NTM: variants seen among roughly 807,000 people sequenced by gnomAD.
NTM encodes the protein neurotrimin.
NTM carries 13 observed loss-of-function variants against 42.1 expected under a neutral mutation model. The observed-to-expected ratio is 0.31, with a 90% CI of 0.20 to 0.49. NTM has a LOEUF of 0.49. Ranked by LOEUF, NTM falls within the 20% of genes least tolerant of loss-of-function variation. NTM has a pLI of 0.99. For synonymous variants in NTM, 187 were observed against 179.2 expected (o/e 1.04, Z -0.35); for missense variants, 373 against 452.8 (o/e 0.82, Z 1.60).
intron 1 of NTM, among the ~76,000 whole-genome samples, chr11:131,873,666 CATAT>C (rs200923876): frequency 8.9e-6 from 1 of 112,850 alleles, no homozygotes; most frequent in Non-Finnish European, 1.8e-5. Context: ...TATATATACA[CATAT>C]ATATATACAC....
intron 1 of NTM, among the ~76,000 whole-genome samples, chr11:131,675,205 C>T (rs993438679): frequency 6.6e-6 from 1 of 152,122 alleles, no homozygotes; most frequent in Non-Finnish European, 1.5e-5. Flanking sequence ...ACAGCAATTT[C>T]GGGCAGCTAC....
intron 1 of NTM, among the ~76,000 whole-genome samples, chr11:131,598,684 T>TTTCC (rs2060034705): frequency 5.6e-5 from 1 of 17,988 alleles, no homozygotes. Flanking sequence ...TCTCATTTGT[T>TTTCC]TTCTTTCTTT....
chr11:131,509,717 C>G (rs927758439), intron 1 of NTM, among the ~76,000 whole-genome samples: 1 of 152,164 alleles, frequency 6.6e-6, no homozygotes, highest in Non-Finnish European at 1.5e-5. Flanking sequence ...GTGTCTTAGT[C>G]CATCCTTCCA....
chr11:131,907,147 C>T (rs1006095603), intron 1 of NTM, among the ~76,000 whole-genome samples: 19 of 152,304 alleles, frequency 1.2e-4, no homozygotes, highest in Non-Finnish European at 1.6e-4. Context: ...TAGCCTTTTT[C>T]GACGAGGAGA....
At chr11:132,134,559 G>A (rs143582598) in intron 2 of NTM, among the ~76,000 whole-genome samples, 87 of 150,418 alleles carry the variant, frequency 5.8e-4, no homozygotes, top group African/African-American at 1.9e-3. Context: ...TCCTATATAT[G>A]AGTCATATAG....
At chr11:131,572,065 G>A (rs1403731100) in intron 1 of NTM, among the ~76,000 whole-genome samples, 1 of 152,190 alleles carries the variant, frequency 6.6e-6, no homozygotes, top group Non-Finnish European at 1.5e-5. Context: ...CCATTGAAAT[G>A]CACAAAAACA....
At chr11:132,042,328 A>G (rs2077314276) in intron 2 of NTM, among the ~76,000 whole-genome samples, 1 of 152,190 alleles carries the variant, frequency 6.6e-6, no homozygotes, top group Non-Finnish European at 1.5e-5. Flanking sequence ...GGCTACTGGG[A>G]CTGGAAATGC....
intron 2 of NTM, among the ~76,000 whole-genome samples, chr11:132,010,044 C>G (rs1399619608): frequency 6.6e-6 from 1 of 152,164 alleles, no homozygotes; most frequent in East Asian, 1.9e-4. Flanking sequence ...CAGACAATTT[C>G]TTAAGTCACT....
chr11:131,915,492 C>T (rs1289566248), intron 2 of NTM, among the ~76,000 whole-genome samples: 1 of 152,138 alleles, frequency 6.6e-6, no homozygotes, highest in African/African-American at 2.4e-5. Flanking sequence ...AACGATATCC[C>T]CCAGCTATAT....
intron 1 of NTM, among the ~76,000 whole-genome samples, chr11:131,499,229 T>C (rs1266869895): frequency 6.6e-6 from 1 of 152,178 alleles, no homozygotes; most frequent in Non-Finnish European, 1.5e-5. Flanking sequence ...GAAAGCATTC[T>C]TGAGATCCAT....
At chr11:132,168,116 A>G (rs186425573) in intron 3 of NTM, among the ~76,000 whole-genome samples, 48 of 152,318 alleles carry the variant, frequency 3.2e-4, no homozygotes, top group African/African-American at 1.1e-3. Context: ...GTTGGTGGCA[A>G]TTGGCATTCC....
At chr11:132,030,210 C>A (rs777213039) in intron 2 of NTM, among the ~76,000 whole-genome samples, 1 of 152,108 alleles carries the variant, frequency 6.6e-6, no homozygotes, top group Non-Finnish European at 1.5e-5. Flanking sequence ...TTACCCCTCT[C>A]CTCAAACACT....
chr11:131,638,864 GA>G (rs559469527), intron 1 of NTM, among the ~76,000 whole-genome samples: 4,015 of 143,030 alleles, frequency 0.028, 104 homozygotes, highest in African/African-American at 0.07. Flanking sequence ...TACACCATAT[GA>G]AAAAAAAAAA....
chr11:131,902,189 T>C (rs2053260804), intron 1 of NTM, among the ~76,000 whole-genome samples: 1 of 152,264 alleles, frequency 6.6e-6, no homozygotes, highest in African/African-American at 2.4e-5. Context: ...CAATAGATAC[T>C]TTAAATTGAA....
intron 3 of NTM, among the ~76,000 whole-genome samples, chr11:132,205,502 A>G (rs1046844681): frequency 6.6e-6 from 1 of 152,236 alleles, no homozygotes; most frequent in African/African-American, 2.4e-5. Flanking sequence ...CGGATTAAAC[A>G]TTAACCTAAT....
chr11:132,177,570 A>G (rs1215214414), intron 3 of NTM, among the ~76,000 whole-genome samples: 1 of 152,264 alleles, frequency 6.6e-6, no homozygotes, highest in Non-Finnish European at 1.5e-5. Flanking sequence ...GATGAAATAC[A>G]TAACATTTTA....
At chr11:131,657,222 C>T (rs1190480075) in intron 1 of NTM, among the ~76,000 whole-genome samples, 1 of 151,610 alleles carries the variant, frequency 6.6e-6, no homozygotes, top group African/African-American at 2.4e-5. Flanking sequence ...CAAGCGCTGG[C>T]CCAGTCTGAG....
intron 4 of NTM, among the ~76,000 whole-genome samples, chr11:132,253,047 AG>A (rs1399388054): frequency 6.6e-6 from 1 of 152,208 alleles, no homozygotes; most frequent in African/African-American, 2.4e-5. Flanking sequence ...AAGCCATAGT[AG>A]GCTCTGTTTT....
At chr11:131,760,825 C>T (rs778726879) in intron 1 of NTM, among the ~76,000 whole-genome samples, 1 of 152,116 alleles carries the variant, frequency 6.6e-6, no homozygotes, top group African/African-American at 2.4e-5. Flanking sequence ...GAAACCTGTT[C>T]CAGGGGACGT....
Sources: allele counts gnomAD v4.1 joint callset (sites outside exome capture counted in the v4.1 genomes callset), GRCh38; gene constraint gnomAD v4.1.1; transcripts MANE v1.5; gene names NCBI Gene and HGNC (gene_info 2026-07-23, HGNC 2026-07-21).